The following PRTN3 variants were observed in gnomAD, a reference collection of about 807,000 sequenced individuals.
The protein encoded by PRTN3 is myeloblastin.
PRTN3 carries 22 observed loss-of-function variants against 20.7 expected under a neutral mutation model. That is an observed-to-expected ratio of 1.06 (90% CI 0.76 to 1.52). The LOEUF (loss-of-function observed/expected upper bound fraction) is 1.52. Ranked by LOEUF, PRTN3 falls within the 40% of genes most tolerant of loss-of-function variation. PRTN3 has a pLI of 0.00. For missense variants in PRTN3, 378 were observed against 359.6 expected, an observed-to-expected ratio of 1.05 and a Z score of -0.41; for synonymous variants, 173 against 152.9, an observed-to-expected ratio of 1.13 and a Z score of -0.97.
At position 843,568 on chromosome 19, in the gene PRTN3, G is replaced by C. The variant is rs763402477; in HGVS notation, c.169G>C (p.Gly57Arg). 6.2e-7 allele frequency: 1 copy of C among 1,603,138 alleles called. No homozygotes were observed. The highest frequency in any genetic ancestry group is 8.5e-7 in the Non-Finnish European group (1 of 1,177,732). ...MRGNPGSHFC[G>R]GTLIHPSFVL... ...GGGGAACCCGGGCAGCCACTTCTGC[G>C]GAGGCACCTTGATCCACCCCAGCTT... is the stretch of plus-strand genomic sequence containing the variant. Residue 57 changes from glycine to arginine, a missense_variant, in exon 2 of 5, where the codon GGA (glycine) becomes CGA (arginine). By Grantham distance (125) the Gly-to-Arg change is moderately radical. Coordinates refer to ENST00000234347, the MANE Select transcript of PRTN3 (RefSeq NM_002777.4).
chr19:846,894 C>T (rs187876687), intron 4 of PRTN3, among the ~76,000 whole-genome samples: 15 of 152,250 alleles, frequency 9.9e-5, no homozygotes, highest in Non-Finnish European at 2.1e-4. Context: ...AGGTACCTGC[C>T]ACCGTGCCTG....
intron 1 of PRTN3, among the ~76,000 whole-genome samples, chr19:842,347 T>A (rs1485316209): frequency 6.6e-6 from 1 of 150,914 alleles, no homozygotes; most frequent in African/African-American, 2.4e-5. Flanking sequence ...CTTCTTTTTT[T>A]TTATTTTGTT....
intron 1 of PRTN3, among the ~76,000 whole-genome samples, chr19:841,274 A>G (rs2035434796): frequency 6.6e-6 from 1 of 152,220 alleles, no homozygotes; most frequent in Admixed American, 6.5e-5. Context: ...CATTTGACTC[A>G]GTTGCCTATC....
At chr19:846,508 C>T (rs953306367) in intron 4 of PRTN3, 131 bp downstream of exon 4, 8 of 931,664 alleles carry the variant, frequency 8.6e-6, no homozygotes, top group Non-Finnish European at 1.3e-5. Flanking sequence ...GGAAGGTGGG[C>T]ACACCCAACA....
At position 848,061 on chromosome 19, in the gene PRTN3, CTG is replaced by C. The variant is rs1163244236; in HGVS notation, c.*95_*96del. On this transcript the variant is annotated 3_prime_UTR_variant, in exon 5 of 5. Transcript: ENST00000234347. ...GACAGAAGCAGCTCTTCCCCGAACA[CTG>C]TGGCGTCCGGGACGGCCCCACCCGT... 4.8e-6 allele frequency: 7 copies of C among 1,447,748 alleles called. No homozygotes were observed. In the Admixed American group the frequency reaches 6.6e-5, roughly 14 times the overall value. The allele number at this position is 1,447,748 out of a possible 1,614,324, so 89.7% of individuals were successfully genotyped here.
chr19:842,318 ATTTT>A (rs112350346), intron 1 of PRTN3, among the ~76,000 whole-genome samples: 9,579 of 121,350 alleles, frequency 0.079, 806 homozygotes, highest in African/African-American at 0.22. Context: ...TTGTTGGCTG[ATTTT>A]TTTTTTTTTT....
At chr19:846,495 C>T in intron 4 of PRTN3, 118 bp downstream of exon 4, 2 of 1,096,014 alleles carry the variant, frequency 1.8e-6, no homozygotes, top group Non-Finnish European at 2.6e-6. Context: ...AGTCTCCCCA[C>T]CTGGAAGGTG....
rs1229829322 is a variant in PRTN3, at chr19:848,076, C to T, written c.*107C>T. 3.7e-6 allele frequency: 5 copies of T among 1,350,688 alleles called. No individual in the cohort carries two copies. The highest frequency in any genetic ancestry group is 2.8e-5 in the South Asian group (2 of 70,962). The allele number at this position is 1,350,688 out of a possible 1,614,324, so 83.7% of individuals were successfully genotyped here. On this transcript the variant is annotated 3_prime_UTR_variant, in exon 5 of 5. Transcript: ENST00000234347. Reference sequence around the variant, plus strand: ...TCCCCGAACACTGTGGCGTCCGGGACGGCCCCACCCGTCCCCCCACACTCC... The same window carrying T: ...TCCCCGAACACTGTGGCGTCCGGGATGGCCCCACCCGTCCCCCCACACTCC...
chr19:844,060 C>T, intron 3 of PRTN3, 26 bp downstream of exon 3: 2 of 1,582,910 alleles, frequency 1.3e-6, no homozygotes, highest in Non-Finnish European at 1.7e-6. Context: ...CGCGAGGGCT[C>T]GGAGGGGCAC....
In PRTN3 at chr19:843,623, A is replaced by C; in HGVS notation, c.224A>C (p.Asp75Ala). 6.3e-7 allele frequency: 1 copy of C among 1,575,080 alleles called. No individual in the cohort carries two copies. ...FVLTAAHCLR[D>A]IPQRLVNVVL... is the part of the protein sequence containing the mutation. ...CTGACGGCCGCGCACTGCCTGCGGG[A>C]CATGTGAGCGGCCGCCTCCACACCC... The change falls in exon 2 of 5, where the codon GAC becomes GCC. Residue 75 changes from aspartate (D) to alanine (A), a missense_variant. By Grantham distance (126) the Asp-to-Ala change is moderately radical. Coordinates refer to ENST00000234347, the MANE Select transcript of PRTN3 (RefSeq NM_002777.4).
At position 847,879 on chromosome 19, in the gene PRTN3, C is replaced by T; in HGVS notation, c.681C>T (p.Arg227=). 6.2e-7 allele frequency: 1 copy of T among 1,608,332 alleles called. No individual in the cohort carries two copies. Residue 227 remains arginine (R), a synonymous_variant, in exon 5 of 5, where the codon CGC becomes CGT. Transcript: ENST00000234347. ...TCGTGATCTGGGGATGTGCCACCCGCCTTTTCCCTGACTTCTTCACGCGGG... is the reference window on the plus strand; with the variant it reads ...TCGTGATCTGGGGATGTGCCACCCGTCTTTTCCCTGACTTCTTCACGCGGG... ...DSFVIWGCAT[R]LFPDFFTRVA...
chr19:846,130 C>T lies in PRTN3; in HGVS notation c.370-17C>T. The stretch of plus-strand genomic sequence containing the variant: ...ACCTGGAAGCAGCGTCTCACCGCCG[C>T]CTGCCTTCTGCCCCAGCTGAGCAGC... On this transcript the variant is annotated splice_polypyrimidine_tract_variant and intron_variant, in intron 3 of 4. Coordinates refer to ENST00000234347, the MANE Select transcript of PRTN3 (RefSeq NM_002777.4). 2 of 1,405,936 alleles carry T rather than the reference C, an allele frequency of 1.4e-6. No individual in the cohort carries two copies. The highest frequency in any genetic ancestry group is 1.9e-6 in the Non-Finnish European group (2 of 1,080,858). 87.1% of individuals were successfully genotyped at this position (1,405,936 alleles called of 1,614,324 possible). A position where few individuals can be genotyped will look rare whatever the true frequency, so the allele number is the denominator to read the frequency against.
At chr19:844,267 G>GCGCGCCTCCCCCCCGCC in intron 3 of PRTN3, among the ~76,000 whole-genome samples, 1 of 11,094 alleles carries the variant, frequency 9.0e-5, no homozygotes, top group Admixed American at 1.1e-3. Context: ...CCTCTCCCCT[G>GCGCGCCTCCCCCCCGCC]CGCGCCTCTC....
At position 848,027 on chromosome 19, in the gene PRTN3, G is replaced by T; in HGVS notation, c.*58G>T. On this transcript the variant is annotated 3_prime_UTR_variant, in exon 5 of 5. Coordinates refer to ENST00000234347, the MANE Select transcript of PRTN3 (RefSeq NM_002777.4). ...GAGCCTGGCTCCAAACCCTCGAGGC[G>T]GATCTTTGGACAGAAGCAGCTCTTC... 6.5e-7 allele frequency: 1 copy of T among 1,530,108 alleles called. No homozygotes were observed. The highest frequency in any genetic ancestry group is 8.8e-7 in the Non-Finnish European group (1 of 1,138,592). 94.8% of individuals were successfully genotyped at this position (1,530,108 alleles called of 1,614,324 possible).
In PRTN3 at chr19:841,152, G is replaced by C; in HGVS notation, c.61+83G>C. On this transcript the variant is annotated intron_variant, in intron 1 of 4. Transcript: ENST00000234347. ...ATATCCACCACGAGGTCCATCCAAA[G>C]CCCTTCTGGCACAGCTGGGGAAACT... 4.0e-6 allele frequency: 6 copies of C among 1,518,550 alleles called. No homozygotes were observed. In the South Asian group the frequency reaches 7.1e-5, roughly 18 times the overall value. 94.1% of individuals were successfully genotyped at this position (1,518,550 alleles called of 1,614,324 possible).
chr19:843,680 C>T, intron 2 of PRTN3, 54 bp downstream of exon 2: 4 of 1,526,310 alleles, frequency 2.6e-6, no homozygotes, highest in Non-Finnish European at 2.6e-6. Flanking sequence ...TTCCTCCAGC[C>T]CTGGCCCGGC....
intron 1 of PRTN3, among the ~76,000 whole-genome samples, chr19:842,066 C>G (rs1040579563): frequency 2.0e-5 from 3 of 151,640 alleles, no homozygotes; most frequent in African/African-American, 7.3e-5. Context: ...TGCTCTGTCG[C>G]CCAGGCTGGA....
chr19:843,853 G>A (rs1315401704), intron 2 of PRTN3, 40 bp from the exon 3 acceptor site: 1 of 1,546,936 alleles, frequency 6.5e-7, no homozygotes, highest in South Asian at 1.2e-5. Flanking sequence ...GCGGCGGCGA[G>A]TGTCCAGGGC....
chr19:842,200 A>G (rs887813835), intron 1 of PRTN3, among the ~76,000 whole-genome samples: 6 of 145,898 alleles, frequency 4.1e-5, no homozygotes, highest in African/African-American at 7.6e-5. Flanking sequence ...TAGTTTTTGT[A>G]TTTTTAGTAG....
Sources: gnomAD v4.1 joint callset for allele counts (sites outside exome capture counted in the v4.1 genomes callset) on GRCh38, gnomAD v4.1.1 for gene constraint, MANE v1.5 for transcripts, NCBI Gene and HGNC (gene_info 2026-07-23, HGNC 2026-07-21) for gene names.